SMAP1: variants seen among roughly 807,000 people sequenced by gnomAD.
SMAP1 encodes the protein stromal membrane-associated protein 1.
A neutral mutation model predicts 58.5 loss-of-function variants in SMAP1; 24 were observed. The ratio of observed to expected loss-of-function variants is 0.41; its 90% confidence interval spans 0.30 to 0.58. The LOEUF (loss-of-function observed/expected upper bound fraction) is 0.58. Ranked by LOEUF, SMAP1 falls within the 20% of genes least tolerant of loss-of-function variation. The pLI, the probability that SMAP1 is intolerant of heterozygous loss-of-function variation, is 0.29. For synonymous variants in SMAP1, 216 were observed against 196.6 expected, an observed-to-expected ratio of 1.10 and a Z score of -0.82; for missense variants, 563 against 566.3, an observed-to-expected ratio of 0.99 and a Z score of 0.06.
rs576648493 is a variant in SMAP1 at position 70,850,404 on chromosome 6, G to A, written c.665-2136G>A. On this transcript the variant is annotated intron_variant, in intron 7 of 10. Transcript: ENST00000370455. Reference sequence around the variant, plus strand: ...TTAATAAAGTAAAAACAACTATAACGGAAAAACTGGAAATAGTTGCTTATA... The same window carrying A: ...TTAATAAAGTAAAAACAACTATAACAGAAAAACTGGAAATAGTTGCTTATA... 9.0e-4 allele frequency among the ~76,000 whole-genome samples: 137 copies of A among 151,798 alleles called. 1 individual carries two copies. Among genetic ancestry groups the A allele is most frequent in the African/African-American group, 3.1e-3 (127 of 41,412 alleles).
chr6:70,820,548 T>C (rs1417873115), intron 6 of SMAP1, among the ~76,000 whole-genome samples: 1 of 151,978 alleles, frequency 6.6e-6, no homozygotes, highest in Non-Finnish European at 1.5e-5. Context: ...CTACTAAAAA[T>C]ACAAAAAATT....
intron 4 of SMAP1, among the ~76,000 whole-genome samples, chr6:70,778,489 T>G (rs536813197): frequency 6.6e-6 from 1 of 152,274 alleles, no homozygotes; most frequent in Non-Finnish European, 1.5e-5. Flanking sequence ...TCTTTCATTC[T>G]GTTGATGTGA....
At chr6:70,737,357 G>T (rs1209053938) in intron 2 of SMAP1, among the ~76,000 whole-genome samples, 1 of 152,016 alleles carries the variant, frequency 6.6e-6, no homozygotes. Flanking sequence ...ATGTTGGCCC[G>T]GCTGGTCTCA....
intron 6 of SMAP1, among the ~76,000 whole-genome samples, chr6:70,802,879 T>G (rs1370687590): frequency 9.6e-6 from 1 of 104,178 alleles, no homozygotes; most frequent in Non-Finnish European, 2.2e-5. Context: ...GTGGATAAGC[T>G]TTTCGATGTG....
At chr6:70,684,333 G>T (rs1263363287) in intron 1 of SMAP1, among the ~76,000 whole-genome samples, 1 of 152,156 alleles carries the variant, frequency 6.6e-6, no homozygotes, top group African/African-American at 2.4e-5. Flanking sequence ...ATTGGTGAAG[G>T]GGTGAACAAA....
intron 7 of SMAP1, chr6:70,837,664 C>G: frequency 2.6e-6 from 1 of 391,790 alleles, no homozygotes; most frequent in Non-Finnish European, 3.5e-6. Context: ...GCTTCTCTCT[C>G]TCTCTTTTTT....
At chr6:70,852,827 CA>C (rs1771240944) in intron 8 of SMAP1, among the ~76,000 whole-genome samples, 163 bp downstream of exon 8, 1 of 152,140 alleles carries the variant, frequency 6.6e-6, no homozygotes, top group Non-Finnish European at 1.5e-5. Context: ...CTTGTTTTTG[CA>C]AATAAAGTTT....
intron 1 of SMAP1, among the ~76,000 whole-genome samples, chr6:70,688,137 T>A (rs771855683): frequency 3.3e-5 from 5 of 152,222 alleles, no homozygotes; most frequent in Admixed American, 6.5e-5. Context: ...CTGTTAATAG[T>A]TCTTTTCTTT....
chr6:70,742,980 T>G (rs770441872), intron 2 of SMAP1, among the ~76,000 whole-genome samples: 7 of 152,096 alleles, frequency 4.6e-5, no homozygotes, highest in Non-Finnish European at 8.8e-5. Context: ...CAACTGGGTC[T>G]CTCCCACAAC....
intron 4 of SMAP1, among the ~76,000 whole-genome samples, chr6:70,781,931 G>T (rs1003874099): frequency 1.3e-5 from 2 of 152,132 alleles, no homozygotes; most frequent in African/African-American, 4.8e-5. Context: ...AGAGAAGAAC[G>T]TCTGAGCTTA....
chr6:70,783,312 C>A (rs917365697), intron 4 of SMAP1, among the ~76,000 whole-genome samples: 2 of 152,146 alleles, frequency 1.3e-5, no homozygotes, highest in Non-Finnish European at 2.9e-5. Context: ...ACGTCACCAT[C>A]ATCAAAGACC....
intron 6 of SMAP1, among the ~76,000 whole-genome samples, chr6:70,813,587 C>A (rs988293277): frequency 2.0e-5 from 3 of 151,484 alleles, no homozygotes; most frequent in African/African-American, 7.3e-5. Context: ...CCTTCTCTTC[C>A]CCTACTCCCT....
At chr6:70,744,858 T>C (rs1397856853) in intron 2 of SMAP1, among the ~76,000 whole-genome samples, 6 of 152,184 alleles carry the variant, frequency 3.9e-5, no homozygotes, top group African/African-American at 9.6e-5. Context: ...TTTTAATGAT[T>C]GCCATTCTAA....
chr6:70,768,826 C>A (rs1007497727), intron 3 of SMAP1, among the ~76,000 whole-genome samples: 3 of 152,250 alleles, frequency 2.0e-5, no homozygotes, highest in African/African-American at 7.2e-5. Flanking sequence ...TTTTCTAGTT[C>A]TTTTAATTGT....
intron 1 of SMAP1, among the ~76,000 whole-genome samples, chr6:70,683,253 C>T (rs890508719): frequency 2.7e-5 from 4 of 149,232 alleles, no homozygotes; most frequent in African/African-American, 9.9e-5. Context: ...TCATTGCAAC[C>T]TCCGCCTCCC....
intron 3 of SMAP1, chr6:70,759,844 G>A (rs1232103794): frequency 2.2e-6 from 1 of 447,012 alleles, no homozygotes; most frequent in Non-Finnish European, 4.5e-6. Context: ...TATAATACTG[G>A]AAACAACAGC....
intron 3 of SMAP1, among the ~76,000 whole-genome samples, chr6:70,768,875 C>T (rs1227484084): frequency 2.0e-5 from 3 of 152,018 alleles, no homozygotes; most frequent in Non-Finnish European, 2.9e-5. Context: ...CCTGCTTTCT[C>T]TTGTGGGCAT....
At chr6:70,683,446 A>C (rs1204135777) in intron 1 of SMAP1, among the ~76,000 whole-genome samples, 1 of 152,118 alleles carries the variant, frequency 6.6e-6, no homozygotes. Context: ...TTGGGATTAC[A>C]GGCATGAGCC....
intron 1 of SMAP1, among the ~76,000 whole-genome samples, chr6:70,714,558 C>A (rs1223013301): frequency 6.6e-6 from 1 of 151,984 alleles, no homozygotes; most frequent in Admixed American, 6.6e-5. Flanking sequence ...AAGATAATTT[C>A]GTTAGAGTTG....
Sources: allele counts gnomAD v4.1 joint callset (sites outside exome capture counted in the v4.1 genomes callset), GRCh38; gene constraint gnomAD v4.1.1; transcripts MANE v1.5; gene names NCBI Gene and HGNC (gene_info 2026-07-23, HGNC 2026-07-21).